FRMD4B: variants seen among roughly 807,000 people sequenced by gnomAD.
FRMD4B encodes the protein FERM domain-containing protein 4B.
FRMD4B carries 74 observed loss-of-function variants against 141.5 expected under a neutral mutation model. The ratio of observed to expected loss-of-function variants is 0.52; its 90% confidence interval spans 0.43 to 0.63. The LOEUF is 0.63. Among genes scored for constraint, FRMD4B ranks in the 30% least tolerant of loss-of-function variants. The pLI, the probability that FRMD4B is intolerant of heterozygous loss-of-function variation, is 0.00. For synonymous variants in FRMD4B, 506 were observed against 467.9 expected (o/e 1.08, Z -1.05); for missense variants, 1,366 against 1,253.4 (o/e 1.09, Z -1.36).
chr3:69,379,285 T>G (rs1457175909), intron 1 of FRMD4B, among the ~76,000 whole-genome samples: 1 of 152,152 alleles, frequency 6.6e-6, no homozygotes, highest in East Asian at 1.9e-4. Flanking sequence ...TAATTATATA[T>G]ATATATTTTT....
At chr3:69,218,962 A>C (rs921507993) in intron 9 of FRMD4B, among the ~76,000 whole-genome samples, 6 of 152,174 alleles carry the variant, frequency 3.9e-5, no homozygotes, top group African/African-American at 1.4e-4. Flanking sequence ...CAGGAGTTCA[A>C]GACCAGCCTG....
chr3:69,284,025 A>T (rs753452908), intron 5 of FRMD4B, among the ~76,000 whole-genome samples: 1 of 152,150 alleles, frequency 6.6e-6, no homozygotes, highest in African/African-American at 2.4e-5. Flanking sequence ...TTTTCATAAC[A>T]CTGAATATCC....
intron 8 of FRMD4B, among the ~76,000 whole-genome samples, chr3:69,223,329 C>T (rs1163789094): frequency 1.3e-5 from 2 of 152,108 alleles, no homozygotes; most frequent in African/African-American, 4.8e-5. Flanking sequence ...GCCTGGCCAA[C>T]ATGGTGAAAC....
rs148610083 is a variant in FRMD4B, at chr3:69,264,902, G to A, written c.502-14803C>T. Among the ~76,000 whole-genome samples the A allele has an allele frequency of 8.4e-3, 1,281 of 152,198 alleles. 22 individuals carry two copies. Among genetic ancestry groups the A allele is most frequent in the African/African-American group, 0.029 (1,221 of 41,528 alleles). ...ATCACGATGAAGATAGGAATAAACGGAGACAGAGAAAGTTTGTCATATGTG... is the reference window on the plus strand; with the variant it reads ...ATCACGATGAAGATAGGAATAAACGAAGACAGAGAAAGTTTGTCATATGTG... On this transcript the variant is annotated intron_variant, in intron 5 of 22. Transcript: ENST00000398540.
At chr3:69,427,516 C>T (rs1463937136) in intron 2 of FRMD4B, among the ~76,000 whole-genome samples, 1 of 150,960 alleles carries the variant, frequency 6.6e-6, no homozygotes, top group African/African-American at 2.4e-5. Flanking sequence ...ACGTTTTCCC[C>T]GTCCAATATG....
chr3:69,508,077 A>G (rs1245585593), intron 1 of FRMD4B, among the ~76,000 whole-genome samples: 1 of 152,118 alleles, frequency 6.6e-6, no homozygotes, highest in East Asian at 1.9e-4. Context: ...TTGCTTCCTC[A>G]CTATCTTGTA....
chr3:69,284,364 G>A (rs1489170422), intron 5 of FRMD4B, among the ~76,000 whole-genome samples: 1 of 152,158 alleles, frequency 6.6e-6, no homozygotes, highest in Non-Finnish European at 1.5e-5. Flanking sequence ...AGAGGGAAGA[G>A]TGCCTCATCC....
At chr3:69,480,919 C>T (rs190366723) in intron 1 of FRMD4B, among the ~76,000 whole-genome samples, 3 of 152,134 alleles carry the variant, frequency 2.0e-5, no homozygotes, top group South Asian at 2.1e-4. Context: ...CAATGGCGGG[C>T]GCCCCTCCCC....
chr3:69,200,922 T>C, intron 11 of FRMD4B: 1 of 451,314 alleles, frequency 2.2e-6, no homozygotes, highest in Non-Finnish European at 4.5e-6. Context: ...AAACATGATC[T>C]CTGAAAGTCA....
At chr3:69,269,281 A>C (rs76709244) in intron 5 of FRMD4B, among the ~76,000 whole-genome samples, 5,487 of 151,950 alleles carry the variant, frequency 0.036, 143 homozygotes, top group South Asian at 0.058. Flanking sequence ...AATATCATCA[A>C]TAACTACAAA....
At chr3:69,480,798 G>T (rs1706108504) in intron 1 of FRMD4B, among the ~76,000 whole-genome samples, 1 of 152,216 alleles carries the variant, frequency 6.6e-6, no homozygotes, top group African/African-American at 2.4e-5. Context: ...GTTTGTCTCT[G>T]CCCTGCCCCC....
intron 5 of FRMD4B, among the ~76,000 whole-genome samples, chr3:69,254,652 A>C (rs943921339): frequency 3.3e-5 from 5 of 152,180 alleles, no homozygotes; most frequent in African/African-American, 1.2e-4. Flanking sequence ...CACCTATCCA[A>C]GAAATGAAAA....
At chr3:69,496,901 T>TG (rs1346031921) in intron 1 of FRMD4B, among the ~76,000 whole-genome samples, 1 of 151,756 alleles carries the variant, frequency 6.6e-6, no homozygotes, top group African/African-American at 2.4e-5. Context: ...ATGGTAGTTT[T>TG]TTTTTTATTA....
At chr3:69,353,642 TGC>T (rs1217778033) in intron 1 of FRMD4B, 23 of 977,740 alleles carry the variant, frequency 2.4e-5, no homozygotes, top group African/African-American at 1.6e-4. Context: ...TGTGTGTGTG[TGC>T]GCGCGCGTGT....
chr3:69,249,356 AAG>A, intron 6 of FRMD4B, 108 bp from the exon 7 acceptor site: 1 of 735,008 alleles, frequency 1.4e-6, no homozygotes, highest in Non-Finnish European at 2.3e-6. Flanking sequence ...TTTTGTTTTG[AAG>A]AGTGTTTCTC....
chr3:69,423,981 T>C (rs1412169774), intron 2 of FRMD4B, among the ~76,000 whole-genome samples: 2 of 152,044 alleles, frequency 1.3e-5, no homozygotes, highest in Admixed American at 1.3e-4. Flanking sequence ...TGGACAAAGT[T>C]CCTAAGTGGA....
chr3:69,395,777 T>C (rs1024329420), intron 2 of FRMD4B, among the ~76,000 whole-genome samples: 1 of 152,278 alleles, frequency 6.6e-6, no homozygotes, highest in Non-Finnish European at 1.5e-5. Flanking sequence ...TTGAAACCTA[T>C]GGCTATGTTA....
chr3:69,254,787 G>A (rs2093482911), intron 5 of FRMD4B, among the ~76,000 whole-genome samples: 1 of 152,130 alleles, frequency 6.6e-6, no homozygotes, highest in African/African-American at 2.4e-5. Context: ...AGAACACAGA[G>A]GTGGAAAGAG....
chr3:69,531,740 T>A (rs1438405189), intron 1 of FRMD4B, among the ~76,000 whole-genome samples: 1 of 152,212 alleles, frequency 6.6e-6, no homozygotes. Context: ...AGACCAAAGA[T>A]CAGTTTCCAG....
Sources: allele counts gnomAD v4.1 joint callset (sites outside exome capture counted in the v4.1 genomes callset), GRCh38; gene constraint gnomAD v4.1.1; transcripts MANE v1.5; gene names NCBI Gene and HGNC (gene_info 2026-07-23, HGNC 2026-07-21).